The following CCDC124 variants were observed in gnomAD, a reference collection of about 807,000 sequenced individuals.
The protein encoded by CCDC124 is coiled-coil domain containing 124, also known as coiled-coil domain-containing protein 124.
Under a neutral mutation model 19.8 loss-of-function variants are expected in CCDC124, and 9 were observed. The observed-to-expected ratio is 0.45, with a 90% confidence interval of 0.27 to 0.79. The LOEUF (loss-of-function observed/expected upper bound fraction) is 0.79. Ranked by LOEUF, CCDC124 falls within the 30% of genes least tolerant of loss-of-function variation. CCDC124 has a pLI of 0.14. For synonymous variants in CCDC124, 126 were observed against 131.3 expected (o/e 0.96, Z 0.27); for missense variants, 285 against 319.0 (o/e 0.89, Z 0.81).
At chr19:17,940,109 C>T (rs1278084371) in intron 2 of CCDC124, among the ~76,000 whole-genome samples, 4 of 151,470 alleles carry the variant, frequency 2.6e-5, no homozygotes, top group Non-Finnish European at 5.9e-5. Context: ...GATGGGGTTT[C>T]ACCATGTTGG....
At chr19:17,933,559 C>T (rs1217052256) in intron 1 of CCDC124, among the ~76,000 whole-genome samples, 1 of 152,156 alleles carries the variant, frequency 6.6e-6, no homozygotes, top group Admixed American at 6.5e-5. Flanking sequence ...GGGAGTCCAC[C>T]TCCTCACTAA....
chr19:17,934,152 C>T (rs901775862), intron 1 of CCDC124, among the ~76,000 whole-genome samples: 6 of 150,732 alleles, frequency 4.0e-5, no homozygotes, highest in African/African-American at 9.9e-5. Flanking sequence ...AGTGAAACCC[C>T]GTCTCTACTA....
At chr19:17,937,746 G>T (rs1455809712) in intron 2 of CCDC124, among the ~76,000 whole-genome samples, 1 of 151,898 alleles carries the variant, frequency 6.6e-6, no homozygotes, top group Non-Finnish European at 1.5e-5. Context: ...TTTTGTTGTT[G>T]TTGTTGAGAC....
At chr19:17,941,107 T>A (rs1004691089) in intron 2 of CCDC124, among the ~76,000 whole-genome samples, 1 of 147,972 alleles carries the variant, frequency 6.8e-6, no homozygotes, top group African/African-American at 2.4e-5. Flanking sequence ...AGTTGGCTAG[T>A]TGGCTATAGT....
At chr19:17,933,780 C>T (rs2030999043) in intron 1 of CCDC124, among the ~76,000 whole-genome samples, 2 of 152,190 alleles carry the variant, frequency 1.3e-5, no homozygotes, top group Admixed American at 1.3e-4. Flanking sequence ...AAGCCCTCTC[C>T]GGGCTTCCCC....
chr19:17,941,395 C>G (rs1023520842), intron 2 of CCDC124, among the ~76,000 whole-genome samples: 1 of 151,844 alleles, frequency 6.6e-6, no homozygotes, highest in Non-Finnish European at 1.5e-5. Context: ...ACCTGCAGTC[C>G]CAGCTATTTG....
In CCDC124 at chr19:17,943,727, G is replaced by C. The variant is rs1034009100; in HGVS notation, c.*12G>C. 3 of 1,610,688 alleles carry C rather than the reference G, an allele frequency of 1.9e-6. No individual in the cohort carries two copies. In the African/African-American group the frequency reaches 4.0e-5, roughly 22 times the overall value. ...ATGCCCCCAAGTGAGCCCAGAACTT[G>C]GGGAGCCAGTTCACCCACGGGTGGT... On this transcript the variant is annotated 3_prime_UTR_variant, in exon 5 of 5. Coordinates refer to ENST00000445755, the MANE Select transcript of CCDC124 (RefSeq NM_001136203.2).
At chr19:17,933,631 C>T (rs2030992796) in intron 1 of CCDC124, among the ~76,000 whole-genome samples, 1 of 152,182 alleles carries the variant, frequency 6.6e-6, no homozygotes, top group South Asian at 2.1e-4. Context: ...TCCACACCTT[C>T]CCATCTCCCT....
intron 1 of CCDC124, 182 bp from the exon 2 acceptor site, chr19:17,936,228 G>C: frequency 1.8e-6 from 1 of 554,300 alleles, no homozygotes; most frequent in South Asian, 2.7e-5. Context: ...TTGGTGTCAT[G>C]ATGTGAATTT....
rs539440811 is a variant in CCDC124 at position 17,942,592 on chromosome 19, C to T, written c.160-64C>T. On this transcript the variant is annotated intron_variant, in intron 2 of 4. Transcript: ENST00000445755. The surrounding 1 kb of genome is among the most constrained non-coding windows in gnomAD (Gnocchi z 4.2). The stretch of plus-strand genomic sequence containing the variant: ...GTTGGCTGAGATGAAAACTCGAACC[C>T]CAGGCTAGTGGGTGGCGCGGGGGTG... 2 of 1,524,816 alleles carry T rather than the reference C, an allele frequency of 1.3e-6. No homozygotes were observed. Among genetic ancestry groups the T allele is most frequent in the South Asian group, 2.4e-5 (2 of 82,092 alleles). The allele number at this position is 1,524,816 out of a possible 1,614,324, so 94.5% of individuals were successfully genotyped here.
Position 17,942,969 on chromosome 19 carries a change from T to A in CCDC124, c.349+124T>A. Reference sequence around the variant, plus strand: ...GGGGCTCCACGTGGTGCAGGGTGGGTGGGTAGGCCGCCTCCTGGTAGGCCT... The same window carrying A: ...GGGGCTCCACGTGGTGCAGGGTGGGAGGGTAGGCCGCCTCCTGGTAGGCCT... On this transcript the variant is annotated intron_variant, in intron 3 of 4. Coordinates refer to ENST00000445755, the MANE Select transcript of CCDC124 (RefSeq NM_001136203.2). The surrounding 1 kb of genome is among the most constrained non-coding windows in gnomAD (Gnocchi z 4.2). 2 of 1,202,466 alleles carry A rather than the reference T, an allele frequency of 1.7e-6. No homozygotes were observed. Among genetic ancestry groups the A allele is most frequent in the Non-Finnish European group, 2.3e-6 (2 of 884,510 alleles). The allele number at this position is 1,202,466 out of a possible 1,614,324, so 74.5% of individuals were successfully genotyped here. A position where few individuals can be genotyped will look rare whatever the true frequency, so the allele number is the denominator to read the frequency against.
At chr19:17,934,179 A>G (rs1047879228) in intron 1 of CCDC124, among the ~76,000 whole-genome samples, 10 of 151,614 alleles carry the variant, frequency 6.6e-5, no homozygotes, top group Non-Finnish European at 1.3e-4. Flanking sequence ...CAAAAATCAG[A>G]TAGGCATGGT....
intron 2 of CCDC124, among the ~76,000 whole-genome samples, chr19:17,941,653 A>T (rs2031184109): frequency 6.6e-6 from 1 of 152,166 alleles, no homozygotes; most frequent in African/African-American, 2.4e-5. Flanking sequence ...TGTGCACTCC[A>T]ACAGCCTTGA....
Position 17,934,913 on chromosome 19 carries a change from C to CT in CCDC124, c.-11-1484dup, listed in dbSNP as rs1555760700. 9.3e-3 allele frequency among the ~76,000 whole-genome samples: 875 copies of CT among 94,454 alleles called. 8 individuals carry two copies. The highest frequency in any genetic ancestry group is 0.033 in the African/African-American group (737 of 22,426). The allele number at this position is 94,454 out of a possible 152,430, so 62.0% of individuals were successfully genotyped here. A position where few individuals can be genotyped will look rare whatever the true frequency, so the allele number is the denominator to read the frequency against. ...TATTGGTGCCTTGTTTCCTTGTTTC[C>CT]TTTTTTTTTTTTTCTTTTAAGAGAC... On this transcript the variant is annotated intron_variant, in intron 1 of 4. Transcript: ENST00000445755.
intron 1 of CCDC124, 48 bp from the exon 2 acceptor site, chr19:17,936,362 G>A (rs1042139260): frequency 1.1e-5 from 16 of 1,499,524 alleles, no homozygotes; most frequent in East Asian, 4.7e-5. Context: ...GCTGAGTGCC[G>A]ATGTCCCCTC....
chr19:17,941,673 C>T (rs1175536135), intron 2 of CCDC124, among the ~76,000 whole-genome samples: 2 of 152,140 alleles, frequency 1.3e-5, no homozygotes, highest in Non-Finnish European at 2.9e-5. Context: ...ACTTTAACCG[C>T]CCCCTCCACT....
chr19:17,934,750 TC>T (rs951945943), intron 1 of CCDC124, among the ~76,000 whole-genome samples: 23 of 151,898 alleles, frequency 1.5e-4, no homozygotes, highest in African/African-American at 5.5e-4. Flanking sequence ...GCCACTGCAC[TC>T]CAGCCTGGGC....
intron 2 of CCDC124, among the ~76,000 whole-genome samples, chr19:17,941,921 G>C (rs939239912): frequency 4.6e-5 from 7 of 152,138 alleles, no homozygotes; most frequent in Non-Finnish European, 7.4e-5. Context: ...GGCCCTGCAG[G>C]AGTGCCAGGC....
At chr19:17,936,750 G>A in intron 2 of CCDC124, 171 bp downstream of exon 2, 1 of 727,854 alleles carries the variant, frequency 1.4e-6, no homozygotes, top group Non-Finnish European at 2.2e-6. Context: ...GGAGGCCGAG[G>A]CAGGCAGATC....
Sources: allele counts gnomAD v4.1 joint callset (sites outside exome capture counted in the v4.1 genomes callset), GRCh38; gene constraint gnomAD v4.1.1; non-coding constraint Gnocchi (gnomAD v3.1); transcripts MANE v1.5; gene names NCBI Gene and HGNC (gene_info 2026-07-23, HGNC 2026-07-21).